Variants in STK32C observed in about 807,000 individuals in gnomAD.
The protein encoded by STK32C is serine/threonine-protein kinase 32C.
STK32C carries 31 observed loss-of-function variants against 56.5 expected under a neutral mutation model. The observed-to-expected ratio is 0.55, with a 90% CI of 0.41 to 0.74. The LOEUF (loss-of-function observed/expected upper bound fraction) is 0.74. Among genes scored for constraint, STK32C ranks in the 30% least tolerant of loss-of-function variants. The probability of loss-of-function intolerance (pLI) is 0.00; values close to 1 mark genes in which losing one functional copy is unlikely to be tolerated. For missense variants in STK32C, 544 were observed against 676.9 expected, an observed-to-expected ratio of 0.80 and a Z score of 2.18; for synonymous variants, 309 against 289.4, an observed-to-expected ratio of 1.07 and a Z score of -0.69.
chr10:132,221,469 G>A lies in STK32C; in HGVS notation c.1251+1172C>T, dbSNP rs567743678. On this transcript the variant is annotated intron_variant, in intron 10 of 11. Coordinates refer to ENST00000298630, the MANE Select transcript of STK32C (RefSeq NM_173575.4). ...GCACACACTCACAACTGACATCAAC[G>A]CACCTGGGTGAGTGTGAGGGCTTCA... 4.1e-4 allele frequency among the ~76,000 whole-genome samples: 53 copies of A among 128,084 alleles called. No homozygotes were observed. In the East Asian group the frequency reaches 8.0e-3, roughly 19 times the overall value. The allele number at this position is 128,084 out of a possible 152,430, so 84.0% of individuals were successfully genotyped here. A position where few individuals can be genotyped will look rare whatever the true frequency, so the allele number is the denominator to read the frequency against.
Position 132,222,966 on chromosome 10 carries a change from C to T in STK32C, c.1014G>A (p.Glu338=), listed in dbSNP as rs1157010621. 2 of 1,550,372 alleles carry T rather than the reference C, an allele frequency of 1.3e-6. No individual in the cohort carries two copies. The highest frequency in any genetic ancestry group is 1.9e-5 in the Admixed American group (1 of 52,130). The change falls in exon 9 of 12, where the codon GAG becomes GAA. Residue 338 remains glutamate (E), a synonymous_variant. Transcript: ENST00000298630. ...LLRKLLTVNP[E]HRLSSLQDVQ... Reference sequence around the variant, plus strand: ...CGTCCTGGAGGCTGGAGAGCCGGTGCTCGGGGTTCACAGTGAGGAGCTGCA... The same window carrying T: ...CGTCCTGGAGGCTGGAGAGCCGGTGTTCGGGGTTCACAGTGAGGAGCTGCA...
intron 2 of STK32C, among the ~76,000 whole-genome samples, chr10:132,238,490 C>T (rs1010781873): frequency 3.9e-5 from 6 of 152,142 alleles, no homozygotes; most frequent in African/African-American, 1.2e-4. Flanking sequence ...CAGGGAAAGG[C>T]GGGGAAAGCC....
intron 1 of STK32C, among the ~76,000 whole-genome samples, chr10:132,285,604 A>G (rs1446445571): frequency 3.3e-5 from 5 of 152,362 alleles, no homozygotes; most frequent in African/African-American, 1.2e-4. Context: ...GCAGAGGAAC[A>G]TTTCCTAAAA....
chr10:132,331,311 T>C (rs1254355896), intron 1 of STK32C: 8 of 949,496 alleles, frequency 8.4e-6, no homozygotes, highest in South Asian at 1.7e-5. Context: ...TCATTATCAG[T>C]TGGATCCTGG....
chr10:132,272,550 G>A (rs1047908459), intron 1 of STK32C, among the ~76,000 whole-genome samples: 6 of 152,106 alleles, frequency 3.9e-5, no homozygotes, highest in African/African-American at 1.4e-4. Context: ...ACTCCTCTCT[G>A]TCTCACACCC....
chr10:132,224,961 T>C (rs1308207199), intron 7 of STK32C, among the ~76,000 whole-genome samples: 1 of 152,184 alleles, frequency 6.6e-6, no homozygotes, highest in Non-Finnish European at 1.5e-5. Context: ...GCAGCACCCC[T>C]GCTGGCCAGT....
chr10:132,302,648 C>A (rs1043429753), intron 1 of STK32C, among the ~76,000 whole-genome samples: 2 of 152,206 alleles, frequency 1.3e-5, no homozygotes, highest in Admixed American at 6.5e-5. Context: ...AGAGCCCCCA[C>A]CCCTTGCCTC....
intron 3 of STK32C, 101 bp from the exon 4 acceptor site, chr10:132,227,069 C>G: frequency 1.5e-6 from 2 of 1,326,104 alleles, no homozygotes; most frequent in Non-Finnish European, 2.1e-6. Flanking sequence ...CAGCCCCACC[C>G]CAGCATCAGC....
At chr10:132,251,859 C>T (rs2063921566) in intron 1 of STK32C, among the ~76,000 whole-genome samples, 1 of 148,732 alleles carries the variant, frequency 6.7e-6, no homozygotes, top group Non-Finnish European at 1.5e-5. Context: ...CCTACGCCTC[C>T]TGGGGCCTCA....
At chr10:132,226,728 C>A in intron 4 of STK32C, 67 bp downstream of exon 4, 1 of 1,571,236 alleles carries the variant, frequency 6.4e-7, no homozygotes, top group Non-Finnish European at 8.6e-7. Flanking sequence ...GTGCCGGCAG[C>A]CTGACCTAAG....
intron 10 of STK32C, among the ~76,000 whole-genome samples, chr10:132,213,750 G>T (rs2062386140): frequency 6.6e-6 from 1 of 152,210 alleles, no homozygotes; most frequent in South Asian, 2.1e-4. Context: ...TATGGCAAGG[G>T]CTCCAGGGGA....
chr10:132,267,884 T>C (rs1310980531), intron 1 of STK32C, among the ~76,000 whole-genome samples: 1 of 145,638 alleles, frequency 6.9e-6, no homozygotes, highest in Non-Finnish European at 1.5e-5. Context: ...TCTGTGTGCA[T>C]GCATGTCCCA....
intron 1 of STK32C, among the ~76,000 whole-genome samples, chr10:132,293,368 G>A (rs2065631344): frequency 6.6e-6 from 1 of 152,252 alleles, no homozygotes; most frequent in African/African-American, 2.4e-5. Context: ...TTCTTCGCCA[G>A]CAAAAGACAT....
chr10:132,270,826 G>C (rs556989114), intron 1 of STK32C, among the ~76,000 whole-genome samples: 1 of 152,270 alleles, frequency 6.6e-6, no homozygotes, highest in South Asian at 2.1e-4. Context: ...GTGGCCCAGG[G>C]CTTCTTCCCA....
intron 1 of STK32C, among the ~76,000 whole-genome samples, chr10:132,285,421 A>T (rs2065370465): frequency 6.6e-6 from 1 of 152,250 alleles, no homozygotes; most frequent in Non-Finnish European, 1.5e-5. Flanking sequence ...ATATTTTCAG[A>T]CTGTATTTTT....
intron 1 of STK32C, among the ~76,000 whole-genome samples, chr10:132,326,803 T>C (rs1042908773): frequency 6.6e-6 from 1 of 152,162 alleles, no homozygotes; most frequent in African/African-American, 2.4e-5. Flanking sequence ...CTGCTGGTCA[T>C]GGTCTGAACT....
chr10:132,227,255 C>T (rs974313307), intron 3 of STK32C, among the ~76,000 whole-genome samples: 22 of 152,256 alleles, frequency 1.4e-4, no homozygotes, highest in African/African-American at 3.1e-4. Context: ...GTGCCAGCTC[C>T]GGGTGCTTCA....
At chr10:132,326,084 T>C (rs925483413) in intron 1 of STK32C, among the ~76,000 whole-genome samples, 2 of 152,062 alleles carry the variant, frequency 1.3e-5, no homozygotes, top group Admixed American at 6.6e-5. Flanking sequence ...CTTCAAAGGG[T>C]GCTAGACTAT....
At chr10:132,311,313 C>T (rs1262241741), upstream of STK32C, among the ~76,000 whole-genome samples, 1 of 152,190 alleles carries the variant, frequency 6.6e-6, no homozygotes, top group Non-Finnish European at 1.5e-5. The surrounding 1 kb of genome is among the most constrained non-coding windows in gnomAD (Gnocchi z 4.4). Flanking sequence ...CAGAACTGAC[C>T]CCCAAAACAG....
Sources: gnomAD v4.1 joint callset for allele counts (sites outside exome capture counted in the v4.1 genomes callset) on GRCh38, gnomAD v4.1.1 for gene constraint, Gnocchi (gnomAD v3.1) non-coding constraint, MANE v1.5 for transcripts, NCBI Gene and HGNC (gene_info 2026-07-23, HGNC 2026-07-21) for gene names.